Variants in ZNF248 observed in about 807,000 individuals in gnomAD.
The protein encoded by ZNF248 is zinc finger protein 248, also known as KRAB protein domain.
In ZNF248, 20 loss-of-function variants were observed where a neutral mutation model predicts 44.3. The ratio of observed to expected loss-of-function variants is 0.45; its 90% CI spans 0.32 to 0.66. The LOEUF is 0.66. ZNF248 is among the 30% of genes least tolerant of loss of function. ZNF248 has a pLI of 0.04. For missense variants in ZNF248, 654 were observed against 677.0 expected (o/e 0.97, Z 0.38); for synonymous variants, 224 against 229.0 (o/e 0.98, Z 0.20).
At chr10:37,762,130 G>C in the ZNF248 span, among the ~76,000 whole-genome samples, 1 of 152,146 alleles carries the variant, frequency 6.6e-6, no homozygotes, top group African/African-American at 2.4e-5. Context: ...AATAATTCTA[G>C]GTAGACAATG....
intron 6 of ZNF248, among the ~76,000 whole-genome samples, chr10:37,799,819 T>C (rs2049584530): frequency 6.6e-6 from 1 of 152,202 alleles, no homozygotes; most frequent in South Asian, 2.1e-4. Flanking sequence ...ACTGGTGTTA[T>C]GTGGAAAAAA....
At chr10:37,816,850 GTGCTGGGT>G (rs2052554882) in intron 6 of ZNF248, among the ~76,000 whole-genome samples, 2 of 152,120 alleles carry the variant, frequency 1.3e-5, no homozygotes, top group East Asian at 1.9e-4. Flanking sequence ...TAGGAGAAGG[GTGCTGGGT>G]AGGGAGGGTA....
intron 5 of ZNF248, among the ~76,000 whole-genome samples, chr10:37,836,883 AG>A (rs2057320468): frequency 6.6e-6 from 1 of 152,144 alleles, no homozygotes; most frequent in East Asian, 1.9e-4. Context: ...AAAACATAAC[AG>A]ACATAGTGAG....
chr10:37,841,861 C>T (rs937154407), intron 3 of ZNF248, among the ~76,000 whole-genome samples: 6 of 152,152 alleles, frequency 3.9e-5, no homozygotes, highest in African/African-American at 1.4e-4. Context: ...AACTGAGGGA[C>T]ATTCTACAAA....
chr10:37,787,687 T>C (rs1215537465), intron 6 of ZNF248, among the ~76,000 whole-genome samples: 1 of 150,616 alleles, frequency 6.6e-6, no homozygotes, highest in Non-Finnish European at 1.5e-5. Flanking sequence ...CCTCACACAA[T>C]ATATGAAAAT....
chr10:37,802,112 A>G (rs1279126870), intron 6 of ZNF248, among the ~76,000 whole-genome samples: 3 of 152,138 alleles, frequency 2.0e-5, no homozygotes, highest in African/African-American at 7.2e-5. Flanking sequence ...CCTGATGTTG[A>G]GTTTTATCTA....
Position 37,846,725 on chromosome 10 carries a change from T to C in ZNF248, c.16-8614A>G, listed in dbSNP as rs563690144. Reference sequence around the variant, plus strand: ...TGGAAGTACACAACACAATCTATGATAAATTCTTAGCAAAACATAAGCATC... The same window carrying C: ...TGGAAGTACACAACACAATCTATGACAAATTCTTAGCAAAACATAAGCATC... On this transcript the variant is annotated intron_variant, in intron 3 of 5. Transcript: ENST00000395867. Among the ~76,000 whole-genome samples, 4 of 152,232 alleles carry C rather than the reference T, an allele frequency of 2.6e-5. No homozygotes were observed. The South Asian group carries it at 6.2e-4, about 24-fold the overall frequency.
the ZNF248 span, among the ~76,000 whole-genome samples, chr10:37,769,096 C>T: frequency 6.6e-6 from 1 of 152,146 alleles, no homozygotes; most frequent in Non-Finnish European, 1.5e-5. Context: ...TCTGAATAGA[C>T]CAATAACAGG....
At chr10:37,823,677 G>A (rs1204591621) in intron 6 of ZNF248, among the ~76,000 whole-genome samples, 2 of 151,936 alleles carry the variant, frequency 1.3e-5, no homozygotes, top group Non-Finnish European at 2.9e-5. Flanking sequence ...GGGTTCAAGC[G>A]ATTCTTGTGT....
chr10:37,765,941 C>T, the ZNF248 span, among the ~76,000 whole-genome samples: 41 of 152,314 alleles, frequency 2.7e-4, no homozygotes, highest in African/African-American at 9.1e-4. Context: ...GCTTAAAAAA[C>T]GGCACACCAG....
intron 3 of ZNF248, among the ~76,000 whole-genome samples, chr10:37,839,271 T>C (rs1049698926): frequency 3.3e-5 from 5 of 152,164 alleles, no homozygotes; most frequent in Admixed American, 2.0e-4. Context: ...TGAGACTCCA[T>C]TGGGAGAAAC....
chr10:37,792,273 C>G (rs1412855357), intron 6 of ZNF248, among the ~76,000 whole-genome samples: 1 of 152,108 alleles, frequency 6.6e-6, no homozygotes, highest in Non-Finnish European at 1.5e-5. Flanking sequence ...AACTGTTTCC[C>G]TATAAACTTC....
chr10:37,820,205 T>C (rs2053228108), intron 6 of ZNF248: 1 of 1,287,166 alleles, frequency 7.8e-7, no homozygotes, highest in Non-Finnish European at 1.1e-6. Flanking sequence ...TTTTTTATAT[T>C]GTGAGGTCGG....
At chr10:37,758,756 T>A in the ZNF248 span, among the ~76,000 whole-genome samples, 1 of 152,240 alleles carries the variant, frequency 6.6e-6, no homozygotes, top group Non-Finnish European at 1.5e-5. Context: ...ATTGTTATTA[T>A]CTTTTGAGAT....
At chr10:37,856,745 C>A (rs1275396975) in intron 1 of ZNF248, 1 of 986,266 alleles carries the variant, frequency 1.0e-6, no homozygotes, top group African/African-American at 1.7e-5. Flanking sequence ...ATGTTAAATG[C>A]AAGTTTAAAA....
chr10:37,819,309 C>A, intron 6 of ZNF248: 1 of 1,016,710 alleles, frequency 9.8e-7, no homozygotes. Flanking sequence ...CAAAATGAGT[C>A]AGTATCCAGT....
rs1349386779 is a variant in ZNF248 at position 37,819,386 on chromosome 10, C to A, written c.330+13639G>T. 11 of 1,389,092 alleles carry A rather than the reference C, an allele frequency of 7.9e-6. No individual in the cohort carries two copies. The Admixed American group carries it at 1.7e-4, about 21-fold the overall frequency. The allele number at this position is 1,389,092 out of a possible 1,614,324, so 86.0% of individuals were successfully genotyped here. A position where few individuals can be genotyped will look rare whatever the true frequency, so the allele number is the denominator to read the frequency against. ...TTCTTTATGAATCCAGTATTCCCTA[C>A]ATGCATGCTTGTGGTAATTCTCCTT... On this transcript the variant is annotated intron_variant, in intron 6 of 6. Coordinates refer to the ZNF248 transcript ENST00000615949.
chr10:37,838,586 C>T (rs972864512), intron 3 of ZNF248, among the ~76,000 whole-genome samples: 8 of 151,996 alleles, frequency 5.3e-5, no homozygotes, highest in Non-Finnish European at 1.0e-4. Flanking sequence ...GTGACTGCCC[C>T]GCAGTCTACA....
downstream of ZNF248, among the ~76,000 whole-genome samples, chr10:37,773,747 C>A (rs2046368661): frequency 6.6e-6 from 1 of 152,144 alleles, no homozygotes; most frequent in African/African-American, 2.4e-5. Flanking sequence ...TATGAAGACA[C>A]CAGTTAGACT....
Sources: allele counts gnomAD v4.1 joint callset (sites outside exome capture counted in the v4.1 genomes callset), GRCh38; gene constraint gnomAD v4.1.1; transcripts MANE v1.5; gene names NCBI Gene and HGNC (gene_info 2026-07-23, HGNC 2026-07-21).